Variants in CTNND2 observed in about 807,000 individuals in gnomAD.
The protein encoded by CTNND2 is catenin delta-2.
Under a neutral mutation model 144.4 loss-of-function variants are expected in CTNND2, and 22 were observed. That is an observed-to-expected ratio of 0.15 (90% CI 0.11 to 0.22). The LOEUF (loss-of-function observed/expected upper bound fraction) is 0.22. Among genes scored for constraint, CTNND2 ranks in the 10% least tolerant of loss-of-function variants. CTNND2 has a pLI of 1.00. For synonymous variants in CTNND2, 751 were observed against 695.6 expected, an observed-to-expected ratio of 1.08 and a Z score of -1.25; for missense variants, 1,353 against 1,618.8, an observed-to-expected ratio of 0.84 and a Z score of 2.82.
At chr5:11,872,613 T>C (rs1412460780) in intron 1 of CTNND2, among the ~76,000 whole-genome samples, 1 of 152,254 alleles carries the variant, frequency 6.6e-6, no homozygotes, top group African/African-American at 2.4e-5. Flanking sequence ...ATGGTTTTGA[T>C]TTGCATTTCT....
At chr5:11,011,362 T>C (rs1194007602) in intron 18 of CTNND2, among the ~76,000 whole-genome samples, 4 of 151,914 alleles carry the variant, frequency 2.6e-5, no homozygotes, top group African/African-American at 9.7e-5. Context: ...TACAGGCGGA[T>C]TGCACTGCCA....
chr5:11,295,840 C>T (rs188334824), intron 9 of CTNND2, among the ~76,000 whole-genome samples: 1 of 152,036 alleles, frequency 6.6e-6, no homozygotes, highest in Non-Finnish European at 1.5e-5. Context: ...ATTCAAGATG[C>T]ATTAAAGACT....
intron 1 of CTNND2, among the ~76,000 whole-genome samples, chr5:11,826,017 T>C (rs1213275221): frequency 6.6e-6 from 1 of 151,838 alleles, no homozygotes; most frequent in Admixed American, 6.6e-5. Flanking sequence ...GAGCAAAAAA[T>C]ATGGTGACAG....
At chr5:11,278,547 C>T (rs1172041204) in intron 9 of CTNND2, among the ~76,000 whole-genome samples, 1 of 152,066 alleles carries the variant, frequency 6.6e-6, no homozygotes, top group African/African-American at 2.4e-5. Context: ...AGCTAGTGGC[C>T]AGGAAAGACC....
At chr5:11,115,007 G>T (rs1279137589) in intron 13 of CTNND2, among the ~76,000 whole-genome samples, 4 of 152,206 alleles carry the variant, frequency 2.6e-5, no homozygotes, top group African/African-American at 9.6e-5. Context: ...CCTTGTCACA[G>T]AGTTGAGGTC....
chr5:11,416,314 T>C (rs1761933020), intron 3 of CTNND2, among the ~76,000 whole-genome samples: 1 of 152,188 alleles, frequency 6.6e-6, no homozygotes, highest in African/African-American at 2.4e-5. Context: ...ATTTAAAAAA[T>C]ATAATTGGAA....
intron 11 of CTNND2, among the ~76,000 whole-genome samples, chr5:11,161,701 T>C (rs991662137): frequency 8.5e-5 from 13 of 152,352 alleles, no homozygotes; most frequent in African/African-American, 2.9e-4. Flanking sequence ...CATTTGTGTC[T>C]GCTCTTCAAA....
At chr5:11,746,377 C>T (rs1335072483) in intron 1 of CTNND2, among the ~76,000 whole-genome samples, 1 of 152,114 alleles carries the variant, frequency 6.6e-6, no homozygotes, top group Non-Finnish European at 1.5e-5. Flanking sequence ...ACTCCAGGCA[C>T]CATGAATCAC....
intron 2 of CTNND2, among the ~76,000 whole-genome samples, chr5:11,683,856 C>G (rs1204301362): frequency 6.6e-6 from 1 of 152,180 alleles, no homozygotes; most frequent in Admixed American, 6.5e-5. Flanking sequence ...GGTCAGAGCC[C>G]TGAGTCCTGG....
chr5:11,485,345 CTG>C (rs375624492), intron 3 of CTNND2, among the ~76,000 whole-genome samples: 3,956 of 148,668 alleles, frequency 0.027, 55 homozygotes, highest in African/African-American at 0.033. Context: ...GAGACAGAGA[CTG>C]TGTGTGTGTG....
chr5:11,635,201 G>A (rs1264718944), intron 2 of CTNND2, among the ~76,000 whole-genome samples: 1 of 152,062 alleles, frequency 6.6e-6, no homozygotes, highest in East Asian at 1.9e-4. Context: ...AAACAAGATG[G>A]AATATAAAGC....
At chr5:11,360,522 A>G (rs1346039129) in intron 8 of CTNND2, among the ~76,000 whole-genome samples, 2 of 152,130 alleles carry the variant, frequency 1.3e-5, no homozygotes, top group Non-Finnish European at 2.9e-5. Context: ...GGTAGAGCGT[A>G]CAGCTGTAGC....
At chr5:11,701,397 T>C (rs753720866) in intron 2 of CTNND2, among the ~76,000 whole-genome samples, 2 of 152,220 alleles carry the variant, frequency 1.3e-5, no homozygotes, top group African/African-American at 4.8e-5. Flanking sequence ...GTGAACTTAA[T>C]TGACAACCTA....
At chr5:11,495,966 CA>C (rs535552389) in intron 3 of CTNND2, among the ~76,000 whole-genome samples, 21 of 152,240 alleles carry the variant, frequency 1.4e-4, no homozygotes, top group Admixed American at 4.6e-4. Flanking sequence ...TACCTCAAGT[CA>C]TTGCTATGAT....
At chr5:11,182,043 T>G (rs1425175511) in intron 11 of CTNND2, among the ~76,000 whole-genome samples, 21 of 131,766 alleles carry the variant, frequency 1.6e-4, no homozygotes, top group African/African-American at 4.9e-4. Flanking sequence ...GTGTGGTGTG[T>G]GTGGGGTGTG....
intron 2 of CTNND2, among the ~76,000 whole-genome samples, chr5:11,705,468 A>C (rs1178222805): frequency 2.0e-5 from 3 of 152,240 alleles, no homozygotes; most frequent in Non-Finnish European, 4.4e-5. Flanking sequence ...CTTATATGAA[A>C]ATATATGTAT....
chr5:11,175,125 A>AT (rs201865021), intron 11 of CTNND2, among the ~76,000 whole-genome samples: 4,833 of 151,124 alleles, frequency 0.032, 252 homozygotes, highest in African/African-American at 0.11. Flanking sequence ...GATTGCTTCT[A>AT]TTTTTTTTTA....
intron 10 of CTNND2, among the ~76,000 whole-genome samples, chr5:11,215,578 G>A (rs1365991101): frequency 6.6e-6 from 1 of 152,216 alleles, no homozygotes; most frequent in Non-Finnish European, 1.5e-5. Flanking sequence ...GGGTTAAATA[G>A]TAAAGAGACA....
intron 11 of CTNND2, among the ~76,000 whole-genome samples, chr5:11,190,346 A>G (rs1483314360): frequency 1.3e-5 from 2 of 152,182 alleles, no homozygotes; most frequent in South Asian, 4.1e-4. Flanking sequence ...CCACTTTGGG[A>G]TGAAAGGCCA....
Sources: allele counts gnomAD v4.1 joint callset (sites outside exome capture counted in the v4.1 genomes callset), GRCh38; gene constraint gnomAD v4.1.1; transcripts MANE v1.5; gene names NCBI Gene and HGNC (gene_info 2026-07-23, HGNC 2026-07-21).